The following FLACC1 variants were observed in gnomAD, a reference collection of about 807,000 sequenced individuals.
The protein encoded by FLACC1 is flagellum-associated coiled-coil domain-containing protein 1.
In FLACC1, 66 loss-of-function variants were observed where a neutral mutation model predicts 62.8. That is an observed-to-expected ratio of 1.05 (90% CI 0.86 to 1.29). FLACC1 has a LOEUF of 1.29. Ranked by LOEUF, FLACC1 falls within the 50% of genes most tolerant of loss-of-function variation. The pLI is 0.00. For synonymous variants in FLACC1, 156 were observed against 161.0 expected, an observed-to-expected ratio of 0.97 and a Z score of 0.24; for missense variants, 452 against 489.1, an observed-to-expected ratio of 0.92 and a Z score of 0.71.
At chr2:201,291,457 C>T (rs764549096) in intron 12 of FLACC1, among the ~76,000 whole-genome samples, 8 of 152,230 alleles carry the variant, frequency 5.3e-5, no homozygotes, top group Non-Finnish European at 1.0e-4. Flanking sequence ...AGACCTGCAG[C>T]TGAGGGTCCT....
At chr2:201,310,374 G>A (rs1426515578) in intron 9 of FLACC1, among the ~76,000 whole-genome samples, 1 of 152,170 alleles carries the variant, frequency 6.6e-6, no homozygotes, top group African/African-American at 2.4e-5. Context: ...GAGCGACCAA[G>A]TGTCCTTGTC....
At chr2:201,291,246 C>A (rs1028008343) in intron 12 of FLACC1, among the ~76,000 whole-genome samples, 1 of 151,928 alleles carries the variant, frequency 6.6e-6, no homozygotes, top group Non-Finnish European at 1.5e-5. Flanking sequence ...GGTCCCTGAC[C>A]CCTGAGTAGC....
intron 9 of FLACC1, among the ~76,000 whole-genome samples, chr2:201,316,953 T>C (rs1312360426): frequency 6.6e-6 from 1 of 152,136 alleles, no homozygotes; most frequent in Non-Finnish European, 1.5e-5. Context: ...AAAAATCACA[T>C]GATCATTTCA....
chr2:201,330,970 TC>T, intron 7 of FLACC1, 137 bp from the exon 8 acceptor site: 15 of 561,048 alleles, frequency 2.7e-5, no homozygotes, highest in Non-Finnish European at 3.5e-5. Flanking sequence ...AATTTTTAAA[TC>T]TTTTTTTTTT....
rs1351626770 is a variant in FLACC1, at chr2:201,342,370, C to T, written c.524G>A (p.Arg175Lys). 2 of 1,614,174 alleles carry T rather than the reference C, an allele frequency of 1.2e-6. No individual in the cohort carries two copies. Among genetic ancestry groups the T allele is most frequent in the Admixed American group, 1.7e-5 (1 of 60,026 alleles). ...CAAGGGTCCATGCCAGAAAGTGTAC[C>T]TGTTCTTGTTTTCAAAGTTCTGTTT... ...EMKQNFENKN[R>K]ELKEAHEAEL... Residue 175 changes from arginine (R) to lysine (K), a missense_variant and splice_region_variant, in exon 7 of 15, where the codon AGG becomes AAG. Arg to Lys is a conservative substitution (Grantham distance 26). Transcript: ENST00000392257.
chr2:201,349,357 G>T (rs1950980105), intron 3 of FLACC1, among the ~76,000 whole-genome samples: 1 of 152,164 alleles, frequency 6.6e-6, no homozygotes, highest in South Asian at 2.1e-4. Flanking sequence ...CCTTTACACA[G>T]GCACTTGCCC....
intron 1 of FLACC1, among the ~76,000 whole-genome samples, chr2:201,354,027 A>T (rs1031455435): frequency 3.9e-4 from 59 of 152,234 alleles, no homozygotes; most frequent in African/African-American, 1.4e-3. Context: ...AGTTTTCAAT[A>T]TTACACTGGA....
At chr2:201,290,230 C>T (rs1576403125) in intron 12 of FLACC1, among the ~76,000 whole-genome samples, 1 of 152,216 alleles carries the variant, frequency 6.6e-6, no homozygotes, top group South Asian at 2.1e-4. Flanking sequence ...ACATATTAGG[C>T]AAAACCCACA....
At chr2:201,320,530 G>C (rs1028770250) in intron 9 of FLACC1, among the ~76,000 whole-genome samples, 1 of 152,264 alleles carries the variant, frequency 6.6e-6, no homozygotes, top group South Asian at 2.1e-4. Context: ...CCAAGTGCAT[G>C]GGATCTGTGT....
At chr2:201,342,524 C>T in intron 6 of FLACC1, 93 bp from the exon 7 acceptor site, 1 of 1,271,012 alleles carries the variant, frequency 7.9e-7, no homozygotes, top group Non-Finnish European at 1.1e-6. Flanking sequence ...TTATGGGGCA[C>T]AGCCGCCTTC....
chr2:201,339,653 C>T (rs1950766029), intron 7 of FLACC1, among the ~76,000 whole-genome samples: 1 of 151,730 alleles, frequency 6.6e-6, no homozygotes, highest in Admixed American at 6.6e-5. Flanking sequence ...TTAATTTCTT[C>T]ATTGTTCTAT....
chr2:201,352,745 C>T (rs1182239550), intron 1 of FLACC1, among the ~76,000 whole-genome samples: 3 of 152,204 alleles, frequency 2.0e-5, no homozygotes, highest in African/African-American at 7.2e-5. Flanking sequence ...TTTCCCTATA[C>T]CGCATGTCCT....
At chr2:201,301,639 C>T (rs1259454596) in intron 11 of FLACC1, among the ~76,000 whole-genome samples, 1 of 152,154 alleles carries the variant, frequency 6.6e-6, no homozygotes, top group Non-Finnish European at 1.5e-5. Context: ...TCAGATTCAC[C>T]AAAGTTGAAA....
chr2:201,322,547 T>TG (rs1950425649), intron 9 of FLACC1, among the ~76,000 whole-genome samples: 2 of 151,632 alleles, frequency 1.3e-5, no homozygotes, highest in African/African-American at 4.8e-5. Flanking sequence ...CATCCTTAAG[T>TG]GGAAAAAAGA....
At chr2:201,317,299 C>G (rs1950324589) in intron 9 of FLACC1, among the ~76,000 whole-genome samples, 1 of 152,068 alleles carries the variant, frequency 6.6e-6, no homozygotes, top group Non-Finnish European at 1.5e-5. Flanking sequence ...CCTACAAAAC[C>G]CTAAAGATTC....
intron 12 of FLACC1, among the ~76,000 whole-genome samples, chr2:201,297,429 T>C (rs963070230): frequency 6.6e-5 from 10 of 152,044 alleles, no homozygotes; most frequent in South Asian, 2.1e-4. Flanking sequence ...TGGGGTGCCA[T>C]TGAAGGGTTT....
chr2:201,324,763 G>A (rs1189060907), intron 9 of FLACC1, among the ~76,000 whole-genome samples: 1 of 152,096 alleles, frequency 6.6e-6, no homozygotes, highest in Non-Finnish European at 1.5e-5. Context: ...ATGATATCTG[G>A]GGTAAACAGT....
intron 11 of FLACC1, among the ~76,000 whole-genome samples, chr2:201,303,137 A>G (rs929149746): frequency 3.3e-5 from 5 of 152,164 alleles, no homozygotes; most frequent in African/African-American, 1.2e-4. Flanking sequence ...CAATGAATCC[A>G]GGAGCTGGTT....
At position 201,326,840 on chromosome 2, in the gene FLACC1, A is replaced by C. The variant is rs1475889128; in HGVS notation, c.675+3630T>G. Among the ~76,000 whole-genome samples, 1 of 152,198 alleles carries C rather than the reference A, an allele frequency of 6.6e-6. No homozygotes were observed. The highest frequency in any genetic ancestry group is 2.4e-5 in the African/African-American group (1 of 41,456). ...AAAAAAAGTTCTAAAATTCATATGG[A>C]ACCAAAAAAGAGCCAGAATAGCCAA... On this transcript the variant is annotated intron_variant, in intron 9 of 14. Transcript: ENST00000392257. The surrounding 1 kb of genome is among the most constrained non-coding windows in gnomAD (Gnocchi z 4.1).
Sources: gnomAD v4.1 joint callset for allele counts (sites outside exome capture counted in the v4.1 genomes callset) on GRCh38, gnomAD v4.1.1 for gene constraint, Gnocchi (gnomAD v3.1) non-coding constraint, MANE v1.5 for transcripts, NCBI Gene and HGNC (gene_info 2026-07-23, HGNC 2026-07-21) for gene names.